NHSL1: variants seen among roughly 807,000 people sequenced by gnomAD.
NHSL1 encodes the protein NHS like 1.
Under a neutral mutation model 95.0 loss-of-function variants are expected in NHSL1, and 48 were observed. That is an observed-to-expected ratio of 0.51 (90% CI 0.40 to 0.64). The LOEUF (loss-of-function observed/expected upper bound fraction) is 0.64. NHSL1 is among the 30% of genes least tolerant of loss of function. The pLI is 0.00. For missense variants in NHSL1, 1,971 were observed against 2,077.7 expected, an observed-to-expected ratio of 0.95 and a Z score of 1.00; for synonymous variants, 783 against 833.9, an observed-to-expected ratio of 0.94 and a Z score of 1.05.
chr6:138,430,975 C>T lies in NHSL1; in HGVS notation c.3370G>A (p.Glu1124Lys), dbSNP rs1258921621. 5.8e-6 allele frequency: 9 copies of T among 1,552,050 alleles called. No individual in the cohort carries two copies. Among genetic ancestry groups the T allele is most frequent in the Non-Finnish European group, 7.8e-6 (9 of 1,147,086 alleles). ...GCAGGCTGGCTTTCACTCTCCATTT[C>T]ATTTGTGCTATTTCGGGATTTCAGG... ...AFLKSRNSTN[E>K]MESESQPASV... The change falls in exon 6 of 8, where the codon GAA (glutamate) becomes AAA (lysine). Residue 1124 changes from glutamate to lysine, a missense_variant. Around this residue, in one of 3 missense-constraint regions of NHSL1, gnomAD observed 1,602 missense variants for 1,654.5 expected, o/e 0.97. Transcript: ENST00000343505. This position sits in a 1 kb window ranked among gnomAD's most constrained non-coding sequence, Gnocchi z 4.7.
intron 1 of NHSL1, among the ~76,000 whole-genome samples, chr6:138,526,117 T>G (rs1781897465): frequency 6.6e-6 from 1 of 151,288 alleles, no homozygotes; most frequent in Non-Finnish European, 1.5e-5. Context: ...AAGAAAATAT[T>G]TGGGCAAAAA....
chr6:138,514,318 A>AAAACAAACAAACAAACAAAC (rs59958557), intron 1 of NHSL1, among the ~76,000 whole-genome samples: 1 of 149,698 alleles, frequency 6.7e-6, no homozygotes, highest in Admixed American at 6.7e-5. Context: ...ACTCCATCTC[A>AAAACAAACAAACAAACAAAC]AAACAAACAA....
chr6:138,581,897 C>CTT (rs370719757), intron 1 of NHSL1, among the ~76,000 whole-genome samples: 18 of 124,300 alleles, frequency 1.4e-4, no homozygotes, highest in East Asian at 7.1e-4. Flanking sequence ...CTTTTTCTTT[C>CTT]TTTTTTTTTT....
At position 138,571,930 on chromosome 6, in the gene NHSL1, T is replaced by C. The variant is rs1783855160; in HGVS notation, c.-19A>G. The stretch of plus-strand genomic sequence containing the variant: ...TTTTCATCTTCTTTTCAAAATCAAC[T>C]AGAGACAAAGAACAGCCCAGCAAAC... On this transcript the variant is annotated 5_prime_UTR_variant, in exon 1 of 7. Transcript: ENST00000427025. 1.9e-6 allele frequency: 3 copies of C among 1,548,644 alleles called. No individual in the cohort carries two copies. In the African/African-American group the frequency reaches 4.1e-5, roughly 21 times the overall value.
chr6:138,432,324 G>A lies in NHSL1; in HGVS notation c.2021C>T (p.Pro674Leu). The change falls in exon 6 of 8, where the codon CCA (proline) becomes CTA (leucine). Residue 674 changes from proline to leucine, a missense_variant. Transcript: ENST00000343505. This position sits in a 1 kb window ranked among gnomAD's most constrained non-coding sequence, Gnocchi z 4.4. ...GCGGAGGGAGTCTGTCCGGGAGGGTGGCAGGGGAGGCTTCTTTGCTTTCTT... is the reference window on the plus strand; with the variant it reads ...GCGGAGGGAGTCTGTCCGGGAGGGTAGCAGGGGAGGCTTCTTTGCTTTCTT... ...SLKKAKKPPL[P>L]PSRTDSLRRI... The A allele has an allele frequency of 6.4e-7, 1 of 1,551,736 alleles. No individual in the cohort carries two copies. Among genetic ancestry groups the A allele is most frequent in the Non-Finnish European group, 8.7e-7 (1 of 1,147,010 alleles).
At chr6:138,492,259 A>G (rs765064842) in intron 2 of NHSL1, among the ~76,000 whole-genome samples, 3 of 152,134 alleles carry the variant, frequency 2.0e-5, no homozygotes, top group Non-Finnish European at 4.4e-5. Flanking sequence ...GGGACCTCCC[A>G]GTGCTTTTCT....
At chr6:138,633,994 AGTTAT>A (rs1487551125) in intron 1 of NHSL1, among the ~76,000 whole-genome samples, 2 of 152,184 alleles carry the variant, frequency 1.3e-5, no homozygotes, top group East Asian at 3.8e-4. Flanking sequence ...CAAAGTGTTA[AGTTAT>A]CTGCTCAAAA....
At chr6:138,656,051 T>A (rs1366692076) in intron 1 of NHSL1, among the ~76,000 whole-genome samples, 1 of 152,348 alleles carries the variant, frequency 6.6e-6, no homozygotes, top group East Asian at 1.9e-4. Context: ...GTCCTGGACA[T>A]GCCGCAGGCA....
At chr6:138,612,258 T>G (rs1306263805) in intron 1 of NHSL1, among the ~76,000 whole-genome samples, 1 of 152,166 alleles carries the variant, frequency 6.6e-6, no homozygotes, top group Non-Finnish European at 1.5e-5. Context: ...ATATTTTACT[T>G]CTCAGTATCT....
intron 1 of NHSL1, among the ~76,000 whole-genome samples, chr6:138,658,370 T>C (rs1785184595): frequency 6.6e-6 from 1 of 152,188 alleles, no homozygotes; most frequent in Non-Finnish European, 1.5e-5. Context: ...CCACTCCAGC[T>C]CCTGGTAACA....
chr6:138,455,331 T>G (rs1479692359), intron 3 of NHSL1, among the ~76,000 whole-genome samples: 2 of 151,868 alleles, frequency 1.3e-5, no homozygotes, highest in African/African-American at 4.8e-5. Flanking sequence ...AAAAATTGAG[T>G]GAAGCATACC....
chr6:138,431,424 G>A lies in NHSL1; in HGVS notation c.2921C>T (p.Pro974Leu), dbSNP rs763331204. 39 of 1,550,618 alleles carry A rather than the reference G, an allele frequency of 2.5e-5. No homozygotes were observed. The highest frequency in any genetic ancestry group is 2.5e-4 in the African/African-American group (18 of 72,976). ...GAAAGGAATGAGAGCTTCTGGCGGCGGAGGGGGGAACACAGGAGAGTGAGG... is the reference window on the plus strand; with the variant it reads ...GAAAGGAATGAGAGCTTCTGGCGGCAGAGGGGGGAACACAGGAGAGTGAGG... ...PLPHSPVFPP[P>L]PPEALIPFCS... The change falls in exon 6 of 8, where the codon CCG becomes CTG. Residue 974 changes from proline (P) to leucine (L), a missense_variant. By Grantham distance (98) the Pro-to-Leu change is moderately conservative (BLOSUM62 -3). Around this residue, in one of 3 missense-constraint regions of NHSL1, gnomAD observed 1,602 missense variants for 1,654.5 expected, o/e 0.97. Transcript: ENST00000343505. This position sits in a 1 kb window ranked among gnomAD's most constrained non-coding sequence, Gnocchi z 4.0.
chr6:138,628,180 T>A (rs1217000181), intron 1 of NHSL1, among the ~76,000 whole-genome samples: 1 of 143,214 alleles, frequency 7.0e-6, no homozygotes, highest in Non-Finnish European at 1.5e-5. Context: ...GGCATGGTGG[T>A]ACATGCCTGT....
intron 1 of NHSL1, chr6:138,650,308 T>G (rs1201251528): frequency 1.3e-6 from 1 of 767,782 alleles, no homozygotes; most frequent in East Asian, 3.1e-5. Flanking sequence ...CTCAGGTACT[T>G]CCAGCAGTGA....
intron 1 of NHSL1, among the ~76,000 whole-genome samples, chr6:138,538,875 T>C (rs1187941419): frequency 4.6e-5 from 7 of 152,250 alleles, no homozygotes; most frequent in South Asian, 2.1e-4. Context: ...TATTTATATC[T>C]TTTTGTTATA....
chr6:138,686,837 T>A (rs2114798154), intron 1 of NHSL1, among the ~76,000 whole-genome samples: 1 of 152,322 alleles, frequency 6.6e-6, no homozygotes, highest in East Asian at 1.9e-4. Flanking sequence ...TACTGGAGAC[T>A]CTGGCTCAAC....
chr6:138,538,003 C>T (rs1012316685), intron 1 of NHSL1, among the ~76,000 whole-genome samples: 5 of 152,302 alleles, frequency 3.3e-5, no homozygotes, highest in Middle Eastern at 3.4e-3. Context: ...TAACACACCC[C>T]AAATTCTATC....
intron 1 of NHSL1, among the ~76,000 whole-genome samples, chr6:138,610,140 TC>T (rs1366848863): frequency 6.6e-6 from 1 of 152,020 alleles, no homozygotes; most frequent in African/African-American, 2.4e-5. Context: ...AATGTCCCCT[TC>T]CGAGCCAACC....
intron 3 of NHSL1, among the ~76,000 whole-genome samples, chr6:138,452,792 C>A (rs1777323167): frequency 1.3e-5 from 2 of 151,776 alleles, no homozygotes; most frequent in South Asian, 4.2e-4. Context: ...CACAAGAGAC[C>A]CTCACTGATT....
Sources: allele counts gnomAD v4.1 joint callset (sites outside exome capture counted in the v4.1 genomes callset), GRCh38; gene constraint gnomAD v4.1.1; regional missense constraint gnomAD v4.1.1; non-coding constraint Gnocchi (gnomAD v3.1); transcripts MANE v1.5; gene names NCBI Gene and HGNC (gene_info 2026-07-23, HGNC 2026-07-21).